MYO9A: variants seen among roughly 807,000 people sequenced by gnomAD.
The protein encoded by MYO9A is unconventional myosin-IXa.
A neutral mutation model predicts 293.3 loss-of-function variants in MYO9A; 103 were observed. The observed-to-expected ratio is 0.35, with a 90% CI of 0.30 to 0.41. The LOEUF is 0.41. MYO9A is among the 10% of genes least tolerant of loss of function. The pLI, the probability that MYO9A is intolerant of heterozygous loss-of-function variation, is 1.00. For synonymous variants in MYO9A, 1,001 were observed against 1,035.7 expected (o/e 0.97, Z 0.64); for missense variants, 2,685 against 3,033.0 (o/e 0.89, Z 2.69).
At position 72,029,253 on chromosome 15, in the gene MYO9A, CAATT is replaced by C. The variant is rs1329734750; in HGVS notation, c.936-1464_936-1461del. On this transcript the variant is annotated intron_variant, in intron 3 of 41. Transcript: ENST00000356056. The stretch of plus-strand genomic sequence containing the variant: ...GTACACATACCAACTTCAGGGAAAA[CAATT>C]AGTTACGTATCACTTAACTACAGAG... Among the ~76,000 whole-genome samples, 4 of 152,276 alleles carry C rather than the reference CAATT, an allele frequency of 2.6e-5. 1 individual carries two copies. In the South Asian group the frequency reaches 6.2e-4, roughly 24 times the overall value.
chr15:72,010,482 T>G (rs1433264562), intron 6 of MYO9A, 35 bp from the exon 7 acceptor site: 1 of 1,540,696 alleles, frequency 6.5e-7, no homozygotes, highest in East Asian at 2.4e-5. Context: ...AAAATCAAGA[T>G]TATATATTTT....
At chr15:71,903,097 A>C in intron 21 of MYO9A, 34 bp from the exon 22 acceptor site, 1 of 1,537,254 alleles carries the variant, frequency 6.5e-7, no homozygotes, top group Non-Finnish European at 8.9e-7. Context: ...GTAAAATCAG[A>C]AAACAGTGTA....
At chr15:71,860,208 T>C (rs2056057111) in intron 33 of MYO9A, among the ~76,000 whole-genome samples, 2 of 152,164 alleles carry the variant, frequency 1.3e-5, no homozygotes, top group African/African-American at 4.8e-5. Flanking sequence ...ATCATTCCTA[T>C]AGATAAGGAA....
At chr15:72,057,913 T>C (rs1596482247) in intron 1 of MYO9A, among the ~76,000 whole-genome samples, 1 of 152,306 alleles carries the variant, frequency 6.6e-6, no homozygotes, top group East Asian at 1.9e-4. Context: ...TAGGTTTCTG[T>C]TCTCTACAAT....
chr15:72,025,639 T>G (rs1178054486), intron 4 of MYO9A, among the ~76,000 whole-genome samples: 1 of 152,074 alleles, frequency 6.6e-6, no homozygotes, highest in Non-Finnish European at 1.5e-5. Flanking sequence ...AGTGAGCCAG[T>G]GCACCCGGCC....
intron 39 of MYO9A, among the ~76,000 whole-genome samples, chr15:71,831,789 G>A (rs2054738945): frequency 6.6e-6 from 1 of 152,170 alleles, no homozygotes; most frequent in African/African-American, 2.4e-5. Context: ...ACAGGACAAT[G>A]TAAATGAAAA....
intron 2 of MYO9A, among the ~76,000 whole-genome samples, chr15:72,044,617 A>G (rs903073297): frequency 6.6e-6 from 1 of 152,196 alleles, no homozygotes; most frequent in South Asian, 2.1e-4. Context: ...CATATAAGTG[A>G]GACTGTGGAG....
intron 11 of MYO9A, among the ~76,000 whole-genome samples, chr15:71,979,601 A>C (rs947481163): frequency 9.2e-5 from 14 of 152,232 alleles, no homozygotes; most frequent in South Asian, 2.1e-4. Context: ...TGTTGGATGT[A>C]CCTGAAGTTC....
chr15:72,011,409 CAAGGA>C (rs1385559721), intron 6 of MYO9A, among the ~76,000 whole-genome samples: 1 of 151,516 alleles, frequency 6.6e-6, no homozygotes, highest in Non-Finnish European at 1.5e-5. Flanking sequence ...GGTAATCAAA[CAAGGA>C]AAGAAAGAAG....
Position 71,896,707 on chromosome 15 carries a change from G to A in MYO9A, c.5042+754C>T, listed in dbSNP as rs181244936. Among the ~76,000 whole-genome samples the A allele has an allele frequency of 3.6e-4, 54 of 151,982 alleles. No individual in the cohort carries two copies. The East Asian group carries it at 9.3e-3, about 26-fold the overall frequency. ...AGACAGGAGAACTGCTTGAGCCTAG[G>A]AGGCAGAGGTTGCAGTTAGCTGAGA... On this transcript the variant is annotated intron_variant, in intron 25 of 41. Coordinates refer to ENST00000356056, the MANE Select transcript of MYO9A (RefSeq NM_006901.4).
At chr15:71,948,958 G>T (rs1276211462) in intron 15 of MYO9A, among the ~76,000 whole-genome samples, 2 of 145,670 alleles carry the variant, frequency 1.4e-5, no homozygotes, top group East Asian at 2.2e-4. Context: ...TTGTGAGGGG[G>T]GGGGATGTGA....
chr15:71,826,763 G>A lies in MYO9A; in HGVS notation c.7464C>T (p.Ile2488=). Residue 2488 remains isoleucine (I), a synonymous_variant, in exon 42 of 42, where the codon ATC becomes ATT. Transcript: ENST00000356056. Reference sequence around the variant, plus strand: ...TTTCCGGGTTGAAGGTTCCTCTGCTGATGAACTGAGGCTTGTCTTCCAGGA... The same window carrying A: ...TTTCCGGGTTGAAGGTTCCTCTGCTAATGAACTGAGGCTTGTCTTCCAGGA... ...TKFLEDKPQF[I]SRGTFNPEKG... 6.2e-7 allele frequency: 1 copy of A among 1,614,094 alleles called. No homozygotes were observed. Among genetic ancestry groups the A allele is most frequent in the African/African-American group, 1.3e-5 (1 of 75,022 alleles).
At chr15:72,104,745 T>C (rs1019844421) in intron 1 of MYO9A, among the ~76,000 whole-genome samples, 12 of 152,236 alleles carry the variant, frequency 7.9e-5, no homozygotes, top group Admixed American at 7.9e-4. Flanking sequence ...TTTCTCTTCA[T>C]TCATAGGATA....
At chr15:71,951,943 A>C in intron 14 of MYO9A, 47 bp from the exon 15 acceptor site, 1 of 1,545,896 alleles carries the variant, frequency 6.5e-7, no homozygotes, top group Non-Finnish European at 8.6e-7. Context: ...AGAAAAGAAA[A>C]AGACATTATA....
At chr15:71,978,777 CT>C (rs11414149) in intron 11 of MYO9A, among the ~76,000 whole-genome samples, 4 of 146,582 alleles carry the variant, frequency 2.7e-5, no homozygotes, top group African/African-American at 2.5e-5. Flanking sequence ...ATCTTTAGGA[CT>C]TTTTTTTTTT....
chr15:71,999,812 T>C (rs753742957), intron 9 of MYO9A, 39 bp downstream of exon 9: 11 of 1,529,184 alleles, frequency 7.2e-6, no homozygotes, highest in Admixed American at 3.7e-5. Context: ...CTTCTAACAA[T>C]GTCCAGAATG....
chr15:71,924,918 CAAAAAAAA>C lies in MYO9A; in HGVS notation c.2563-8434_2563-8427del, dbSNP rs1165713559. Among the ~76,000 whole-genome samples, 13 of 135,014 alleles carry C rather than the reference CAAAAAAAA, an allele frequency of 9.6e-5. No homozygotes were observed. The East Asian group carries it at 2.6e-3, about 27-fold the overall frequency. The allele number at this position is 135,014 out of a possible 152,430, so 88.6% of individuals were successfully genotyped here. On this transcript the variant is annotated intron_variant, in intron 18 of 41. Coordinates refer to ENST00000356056, the MANE Select transcript of MYO9A (RefSeq NM_006901.4). The stretch of plus-strand genomic sequence containing the variant: ...CTAGGTGAAGAATGAAACTTAGTCT[CAAAAAAAA>C]AAGAAAAAAAGAAAAAGAAAAAAAT...
At chr15:71,977,841 TC>T (rs2076181187) in intron 12 of MYO9A, among the ~76,000 whole-genome samples, 1 of 152,034 alleles carries the variant, frequency 6.6e-6, no homozygotes, top group Admixed American at 6.6e-5. Context: ...ATCGAGACCA[TC>T]CTGGCTAACA....
chr15:72,001,022 A>T (rs1249336932), intron 8 of MYO9A, among the ~76,000 whole-genome samples: 1 of 152,224 alleles, frequency 6.6e-6, no homozygotes, highest in Non-Finnish European at 1.5e-5. Flanking sequence ...TTTCAGCTTT[A>T]GAGAATACTA....
Sources: gnomAD v4.1 joint callset for allele counts (sites outside exome capture counted in the v4.1 genomes callset) on GRCh38, gnomAD v4.1.1 for gene constraint, MANE v1.5 for transcripts, NCBI Gene and HGNC (gene_info 2026-07-23, HGNC 2026-07-21) for gene names.